Variants in PPARGC1A observed in about 807,000 individuals in gnomAD.
The protein encoded by PPARGC1A is peroxisome proliferator-activated receptor gamma coactivator 1-alpha.
In PPARGC1A, 25 loss-of-function variants were observed where a neutral mutation model predicts 88.7. The observed-to-expected ratio is 0.28, with a 90% CI of 0.21 to 0.39. The LOEUF (loss-of-function observed/expected upper bound fraction) is 0.39. Ranked by LOEUF, PPARGC1A falls within the 10% of genes least tolerant of loss-of-function variation. PPARGC1A has a pLI of 1.00. For missense variants in PPARGC1A, 880 were observed against 968.7 expected (o/e 0.91, Z 1.22); for synonymous variants, 363 against 355.6 (o/e 1.02, Z -0.24).
At chr4:23,911,429 C>T in the PPARGC1A span, among the ~76,000 whole-genome samples, 1 of 152,158 alleles carries the variant, frequency 6.6e-6, no homozygotes, top group African/African-American at 2.4e-5. Flanking sequence ...TATGCATCCC[C>T]ATGGTTTATG....
At chr4:24,191,733 A>T in the PPARGC1A span, among the ~76,000 whole-genome samples, 1 of 152,218 alleles carries the variant, frequency 6.6e-6, no homozygotes, top group Non-Finnish European at 1.5e-5. Context: ...TGTGATTAGG[A>T]TGGGTGTGGG....
At chr4:24,371,161 T>G in the PPARGC1A span, among the ~76,000 whole-genome samples, 2 of 152,190 alleles carry the variant, frequency 1.3e-5, no homozygotes, top group Non-Finnish European at 2.9e-5. Context: ...TGTGCCACAT[T>G]TTCTTTATCC....
the PPARGC1A span, among the ~76,000 whole-genome samples, chr4:24,060,645 G>A: frequency 6.6e-6 from 1 of 152,296 alleles, no homozygotes; most frequent in East Asian, 1.9e-4. Context: ...CAATTTGAAG[G>A]GAGTGCTTTC....
the PPARGC1A span, among the ~76,000 whole-genome samples, chr4:24,351,880 G>A: frequency 6.6e-6 from 1 of 152,046 alleles, no homozygotes; most frequent in Non-Finnish European, 1.5e-5. Context: ...ACAAAGAAGA[G>A]AAAGGGTGTT....
chr4:24,465,198 C>A, the PPARGC1A span, among the ~76,000 whole-genome samples: 1 of 152,096 alleles, frequency 6.6e-6, no homozygotes, highest in Non-Finnish European at 1.5e-5. Flanking sequence ...TATAGTCAAC[C>A]CTTATTAACA....
chr4:24,271,175 A>T, the PPARGC1A span, among the ~76,000 whole-genome samples: 24 of 152,320 alleles, frequency 1.6e-4, no homozygotes, highest in Admixed American at 2.6e-4. Context: ...ACAGTTTGGT[A>T]GCAAGAGAGC....
chr4:24,430,130 G>A, the PPARGC1A span, among the ~76,000 whole-genome samples: 2 of 151,990 alleles, frequency 1.3e-5, no homozygotes, highest in East Asian at 3.9e-4. Flanking sequence ...TTCTGATGCT[G>A]CCCAAAGACA....
chr4:24,006,460 T>C, the PPARGC1A span, among the ~76,000 whole-genome samples: 8 of 152,206 alleles, frequency 5.3e-5, no homozygotes, highest in African/African-American at 1.9e-4. Context: ...AGCAATGACT[T>C]TGCAATTTAT....
At chr4:24,336,003 C>T in the PPARGC1A span, among the ~76,000 whole-genome samples, 891 of 152,258 alleles carry the variant, frequency 5.9e-3, 8 homozygotes, top group Non-Finnish European at 0.01. Context: ...TTTGCATTTT[C>T]CCCTAAACAC....
At chr4:24,423,975 C>G in the PPARGC1A span, among the ~76,000 whole-genome samples, 1 of 152,116 alleles carries the variant, frequency 6.6e-6, no homozygotes, top group Admixed American at 6.6e-5. Context: ...AGTCTCACTT[C>G]ATTGATTTTA....
At chr4:24,202,108 G>A in the PPARGC1A span, among the ~76,000 whole-genome samples, 2 of 152,046 alleles carry the variant, frequency 1.3e-5, no homozygotes, top group East Asian at 3.9e-4. Context: ...CACCATGTTG[G>A]CCCAAGTGAT....
At chr4:24,161,665 G>A in the PPARGC1A span, among the ~76,000 whole-genome samples, 7 of 152,212 alleles carry the variant, frequency 4.6e-5, no homozygotes, top group East Asian at 9.6e-4. Context: ...AAGATAAAAC[G>A]TAAAGAGATA....
the PPARGC1A span, among the ~76,000 whole-genome samples, chr4:24,263,184 G>A: frequency 6.6e-6 from 1 of 152,186 alleles, no homozygotes; most frequent in Non-Finnish European, 1.5e-5. Flanking sequence ...AGTGACGTAA[G>A]ACCTTTCCCC....
the PPARGC1A span, among the ~76,000 whole-genome samples, chr4:24,409,330 C>T: frequency 6.6e-6 from 1 of 152,156 alleles, no homozygotes; most frequent in African/African-American, 2.4e-5. Context: ...TTAAAAGAAC[C>T]TGCAGTCAAG....
the PPARGC1A span, among the ~76,000 whole-genome samples, chr4:24,190,160 T>C: frequency 1.3e-5 from 2 of 152,056 alleles, no homozygotes; most frequent in African/African-American, 2.4e-5. Flanking sequence ...AAAATCACAA[T>C]ACATGAGTGG....
chr4:23,899,087 C>CG (rs980194893), intron 1 of PPARGC1A, among the ~76,000 whole-genome samples: 1 of 10,068 alleles, frequency 9.9e-5, no homozygotes, highest in Non-Finnish European at 2.9e-4. Flanking sequence ...TGATCCACCC[C>CG]CCCCCGGCCT....
the PPARGC1A span, among the ~76,000 whole-genome samples, chr4:24,292,138 G>A: frequency 1.3e-5 from 2 of 152,218 alleles, no homozygotes; most frequent in Non-Finnish European, 2.9e-5. Flanking sequence ...ACTCGCCTCC[G>A]CCACGGAGGT....
the PPARGC1A span, among the ~76,000 whole-genome samples, chr4:24,382,722 A>T: frequency 6.6e-6 from 1 of 152,180 alleles, no homozygotes; most frequent in South Asian, 2.1e-4. Flanking sequence ...TTTTTTCCAA[A>T]GGCAGCAGCA....
At chr4:24,292,762 T>G in the PPARGC1A span, among the ~76,000 whole-genome samples, 22 of 17,366 alleles carry the variant, frequency 1.3e-3, no homozygotes, top group East Asian at 0.041. Context: ...CCCACCCGTC[T>G]GCGCTCCTCT....
Sources: allele counts gnomAD v4.1 joint callset (sites outside exome capture counted in the v4.1 genomes callset), GRCh38; gene constraint gnomAD v4.1.1; transcripts MANE v1.5; gene names NCBI Gene and HGNC (gene_info 2026-07-23, HGNC 2026-07-21).